The following MTBP variants were observed in gnomAD, a reference collection of about 807,000 sequenced individuals.
MTBP encodes the protein MDM2 binding protein, also known as mdm2-binding protein.
Under a neutral mutation model 117.0 loss-of-function variants are expected in MTBP, and 101 were observed. That is an observed-to-expected ratio of 0.86 (90% confidence interval 0.73 to 1.02). The LOEUF (loss-of-function observed/expected upper bound fraction) is 1.02, where lower values mean the gene tolerates loss of function less well. MTBP is among the 50% of genes least tolerant of loss of function. MTBP has a pLI of 0.00. For synonymous variants in MTBP, 350 were observed against 351.5 expected (o/e 1.00, Z 0.05); for missense variants, 970 against 1,030.9 (o/e 0.94, Z 0.81).
chr8:120,487,735 A>C (rs1225709180), intron 11 of MTBP, among the ~76,000 whole-genome samples: 1 of 152,240 alleles, frequency 6.6e-6, no homozygotes, highest in Non-Finnish European at 1.5e-5. Flanking sequence ...CCACTGCAAG[A>C]AGCAAAAAGG....
At chr8:120,456,445 G>A (rs745478175) in intron 6 of MTBP, 108 bp from the exon 7 acceptor site, 12 of 637,622 alleles carry the variant, frequency 1.9e-5, no homozygotes, top group East Asian at 1.4e-4. Flanking sequence ...GAAAAATACA[G>A]CAATATAAAT....
At chr8:120,465,655 C>CTTT (rs10663319) in intron 10 of MTBP, among the ~76,000 whole-genome samples, 2,735 of 101,584 alleles carry the variant, frequency 0.027, 71 homozygotes, top group Non-Finnish European at 0.036. Context: ...CTTATAGAGA[C>CTTT]TTTTTTTTTT....
intron 11 of MTBP, among the ~76,000 whole-genome samples, chr8:120,474,521 T>C (rs751783295): frequency 2.6e-5 from 4 of 152,018 alleles, no homozygotes; most frequent in Non-Finnish European, 4.4e-5. Context: ...TCCTACACCA[T>C]GACTCTGTTT....
chr8:120,465,519 A>G (rs1813667463), intron 10 of MTBP, among the ~76,000 whole-genome samples: 1 of 152,178 alleles, frequency 6.6e-6, no homozygotes, highest in East Asian at 1.9e-4. Context: ...ATGTGGCCCA[A>G]ATGATGGACA....
At chr8:120,474,627 T>A (rs1028945362) in intron 11 of MTBP, among the ~76,000 whole-genome samples, 1 of 152,054 alleles carries the variant, frequency 6.6e-6, no homozygotes, top group Non-Finnish European at 1.5e-5. Context: ...CCTAAAAGTA[T>A]TCCCTGATTT....
chr8:120,457,948 G>A (rs9642850), intron 7 of MTBP, among the ~76,000 whole-genome samples: 112,974 of 143,096 alleles, frequency 0.79, 45,376 homozygotes, highest in Non-Finnish European at 0.89. Flanking sequence ...TCCGTCTCAA[G>A]AAAAAAAAAA....
At chr8:120,500,063 A>C (rs1234882970) in intron 14 of MTBP, among the ~76,000 whole-genome samples, 1 of 152,228 alleles carries the variant, frequency 6.6e-6, no homozygotes, top group East Asian at 1.9e-4. Context: ...GCCTCAATTC[A>C]TTAACCACAT....
chr8:120,483,413 A>C (rs1366519628), intron 11 of MTBP, among the ~76,000 whole-genome samples: 1 of 152,164 alleles, frequency 6.6e-6, no homozygotes, highest in Non-Finnish European at 1.5e-5. Flanking sequence ...AATAACTATC[A>C]GTAAGTCGGA....
In MTBP at chr8:120,450,148, A is replaced by G. The variant is rs557905835; in HGVS notation, c.200-855A>G. Among the ~76,000 whole-genome samples, 91 of 152,314 alleles carry G rather than the reference A, an allele frequency of 6.0e-4. 1 individual carries two copies. Among genetic ancestry groups the G allele is most frequent in the African/African-American group, 2.1e-3 (86 of 41,576 alleles). The stretch of plus-strand genomic sequence containing the variant: ...GGAAAGATGATCAGTGGACTAGATA[A>G]TAGAATCAGTGGTCTCAGAGGAGGT... On this transcript the variant is annotated intron_variant, in intron 2 of 21. Coordinates refer to ENST00000305949, the MANE Select transcript of MTBP (RefSeq NM_022045.5).
intron 12 of MTBP, among the ~76,000 whole-genome samples, chr8:120,489,571 T>G (rs1476968083): frequency 2.0e-5 from 3 of 152,230 alleles, no homozygotes; most frequent in African/African-American, 7.2e-5. Context: ...TACATCTTTA[T>G]GTTGCCCCAT....
At chr8:120,465,088 A>G (rs1440888473) in intron 10 of MTBP, among the ~76,000 whole-genome samples, 1 of 152,162 alleles carries the variant, frequency 6.6e-6, no homozygotes, top group East Asian at 1.9e-4. Flanking sequence ...GAATTAGTAT[A>G]TATTTTTTAA....
chr8:120,502,575 T>C lies in MTBP; in HGVS notation c.1693T>C (p.Leu565=), dbSNP rs768135591. 4.4e-6 allele frequency: 7 copies of C among 1,603,452 alleles called. No individual in the cohort carries two copies. In the South Asian group the frequency reaches 6.8e-5, roughly 16 times the overall value. The stretch of plus-strand genomic sequence containing the variant: ...GCCAGAAAGGCATGTTCTTCAAAAT[T>C]TGGAAACTTTTGAAAAAACTAAACA... ...EWPERHVLQN[L]ETFEKTKQKM... The change falls in exon 15 of 22, where the codon TTG becomes CTG. Residue 565 remains leucine, a synonymous_variant. Transcript: ENST00000305949.
chr8:120,510,059 G>A, intron 17 of MTBP, 30 bp downstream of exon 17: 1 of 1,437,848 alleles, frequency 7.0e-7, no homozygotes, highest in Non-Finnish European at 9.7e-7. Context: ...TTACTCTTCT[G>A]TATGTTGTTG....
intron 13 of MTBP, among the ~76,000 whole-genome samples, chr8:120,496,910 C>T (rs1199666966): frequency 6.6e-6 from 1 of 152,106 alleles, no homozygotes; most frequent in Admixed American, 6.5e-5. Context: ...TTGCAGACTC[C>T]GTTACCACTC....
Position 120,480,327 on chromosome 8 carries a change from T to G in MTBP, c.1166-7832T>G, listed in dbSNP as rs563117095. Among the ~76,000 whole-genome samples, 244 of 151,904 alleles carry G rather than the reference T, an allele frequency of 1.6e-3. 1 individual carries two copies. Among genetic ancestry groups the G allele is most frequent in the Middle Eastern group, 6.9e-3 (2 of 290 alleles). On this transcript the variant is annotated intron_variant, in intron 11 of 21. Coordinates refer to ENST00000305949, the MANE Select transcript of MTBP (RefSeq NM_022045.5). Reference sequence around the variant, plus strand: ...CTGGAGACTGAGGCAGGAGAATCGTTTGAACCTGGGAGGCAGAGGTTGCAG... The same window carrying G: ...CTGGAGACTGAGGCAGGAGAATCGTGTGAACCTGGGAGGCAGAGGTTGCAG...
At chr8:120,514,999 T>C (rs1246649407) in intron 17 of MTBP, among the ~76,000 whole-genome samples, 1 of 151,948 alleles carries the variant, frequency 6.6e-6, no homozygotes, top group Non-Finnish European at 1.5e-5. Flanking sequence ...AAGGGAAAGA[T>C]AAGGTTCTTA....
chr8:120,523,479 A>G lies in MTBP; in HGVS notation c.*143A>G. The stretch of plus-strand genomic sequence containing the variant: ...TATTTCTAAAGAATTTCATGAATAT[A>G]TATTCTATATTTGTATAGTTTGAGG... On this transcript the variant is annotated 3_prime_UTR_variant, in exon 22 of 22. Transcript: ENST00000305949. 2.3e-6 allele frequency: 1 copy of G among 444,042 alleles called. No individual in the cohort carries two copies. Among genetic ancestry groups the G allele is most frequent in the Non-Finnish European group, 4.0e-6 (1 of 250,886 alleles). 27.5% of individuals were successfully genotyped at this position (444,042 alleles called of 1,614,324 possible).
intron 16 of MTBP, 148 bp downstream of exon 16, chr8:120,507,009 T>G: frequency 1.6e-6 from 1 of 640,688 alleles, no homozygotes; most frequent in Non-Finnish European, 2.5e-6. Context: ...GGCCTTAATC[T>G]TCACTTTTTA....
Position 120,483,535 on chromosome 8 carries a change from A to G in MTBP, c.1166-4624A>G, listed in dbSNP as rs949753564. On this transcript the variant is annotated intron_variant, in intron 11 of 21. Transcript: ENST00000305949. Reference sequence around the variant, plus strand: ...TAGATTATTATAATTTTGTTTACATATTAGCTGTTAAAAATGAGTATTATA... The same window carrying G: ...TAGATTATTATAATTTTGTTTACATGTTAGCTGTTAAAAATGAGTATTATA... Among the ~76,000 whole-genome samples, 3 of 152,298 alleles carry G rather than the reference A, an allele frequency of 2.0e-5. No individual in the cohort carries two copies. The East Asian group carries it at 5.8e-4, about 29-fold the overall frequency.
Sources: gnomAD v4.1 joint callset for allele counts (sites outside exome capture counted in the v4.1 genomes callset) on GRCh38, gnomAD v4.1.1 for gene constraint, MANE v1.5 for transcripts, NCBI Gene and HGNC (gene_info 2026-07-23, HGNC 2026-07-21) for gene names.